The following DAB1 variants were observed in gnomAD, a reference collection of about 807,000 sequenced individuals.
DAB1 encodes the protein DAB adaptor protein 1, also known as disabled homolog 1.
Under a neutral mutation model 64.6 loss-of-function variants are expected in DAB1, and 15 were observed. The observed-to-expected ratio is 0.23, with a 90% CI of 0.16 to 0.36. The LOEUF is 0.36. DAB1 is among the 10% of genes least tolerant of loss of function. The pLI is 1.00. For synonymous variants in DAB1, 235 were observed against 251.9 expected (o/e 0.93, Z 0.64); for missense variants, 596 against 706.7 (o/e 0.84, Z 1.78).
chr1:58,470,417 G>A lies in DAB1; in HGVS notation n.257+35643C>T, dbSNP rs528852887. On this transcript the variant is annotated intron_variant and non_coding_transcript_variant, in intron 3 of 20. Coordinates refer to the DAB1 transcript ENST00000485760. The stretch of plus-strand genomic sequence containing the variant: ...TTGAACTCCTAACCTCAAGTGATCC[G>A]CCTGCCTTGGCCTCCCAAAGTGCTG... 3.3e-5 allele frequency among the ~76,000 whole-genome samples: 5 copies of A among 152,096 alleles called. No homozygotes were observed. The South Asian group carries it at 6.2e-4, about 19-fold the overall frequency.
intron 5 of DAB1, among the ~76,000 whole-genome samples, chr1:58,077,167 C>T (rs1649706864): frequency 6.6e-6 from 1 of 152,074 alleles, no homozygotes; most frequent in Non-Finnish European, 1.5e-5. Context: ...ATGATAATAC[C>T]ATCAGTGGGT....
At chr1:58,296,993 C>T (rs1294901857) in intron 4 of DAB1, among the ~76,000 whole-genome samples, 2 of 152,178 alleles carry the variant, frequency 1.3e-5, no homozygotes, top group African/African-American at 4.8e-5. Context: ...ATGTTAGCTT[C>T]TAGAGAGTGC....
At position 57,273,244 on chromosome 1, in the gene DAB1, C is replaced by T. The variant is rs192725601; in HGVS notation, c.67+17720G>A. Among the ~76,000 whole-genome samples the T allele has an allele frequency of 5.8e-3, 876 of 152,194 alleles. 3 individuals carry two copies. Among genetic ancestry groups the T allele is most frequent in the Non-Finnish European group, 9.5e-3 (645 of 68,004 alleles). On this transcript the variant is annotated intron_variant, in intron 2 of 14. Transcript: ENST00000371236. The stretch of plus-strand genomic sequence containing the variant: ...TCCATTTGTTTTAATGTGGGAGTCA[C>T]GAGAATGCACCTCGCCAACCTCCCC...
intron 7 of DAB1, among the ~76,000 whole-genome samples, chr1:57,628,538 A>G (rs555424885): frequency 6.6e-6 from 1 of 152,146 alleles, no homozygotes; most frequent in African/African-American, 2.4e-5. Context: ...AAATACTTAA[A>G]TAAGTCCCAT....
intron 5 of DAB1, among the ~76,000 whole-genome samples, chr1:58,003,267 C>T (rs1335722847): frequency 2.0e-5 from 3 of 152,100 alleles, no homozygotes; most frequent in Non-Finnish European, 2.9e-5. Flanking sequence ...GTATTGTGCT[C>T]CTCTCCGCTT....
chr1:57,116,475 A>AAAAG (rs1211160912), intron 4 of DAB1, among the ~76,000 whole-genome samples: 2 of 147,504 alleles, frequency 1.4e-5, no homozygotes, highest in Non-Finnish European at 3.0e-5. Context: ...AAAAAAAAAA[A>AAAAG]AAAAAAAAGA....
chr1:58,414,955 G>T (rs1162007943), intron 3 of DAB1, among the ~76,000 whole-genome samples: 3 of 152,094 alleles, frequency 2.0e-5, no homozygotes, highest in African/African-American at 4.8e-5. Context: ...GTGTCACAAG[G>T]TTGCGTGGGC....
chr1:58,027,608 T>C (rs1020485543), intron 5 of DAB1, among the ~76,000 whole-genome samples: 4 of 152,206 alleles, frequency 2.6e-5, no homozygotes, highest in African/African-American at 9.6e-5. Context: ...GGAAAGAGGC[T>C]CTAGAGCCAG....
intron 1 of DAB1, among the ~76,000 whole-genome samples, chr1:57,343,695 C>T (rs1358592556): frequency 6.6e-6 from 1 of 152,194 alleles, no homozygotes; most frequent in East Asian, 1.9e-4. Flanking sequence ...CGGCCGGCCG[C>T]TCCAAGTGTG....
chr1:57,960,019 C>T (rs992186457), intron 5 of DAB1, among the ~76,000 whole-genome samples: 1 of 152,194 alleles, frequency 6.6e-6, no homozygotes. Flanking sequence ...TGCTGGCATA[C>T]CTTATGCAGC....
intron 3 of DAB1, among the ~76,000 whole-genome samples, chr1:58,347,002 A>G (rs964337626): frequency 6.6e-5 from 10 of 152,236 alleles, no homozygotes; most frequent in Non-Finnish European, 1.3e-4. Flanking sequence ...CCATTTTATC[A>G]TATGACTCAT....
intron 3 of DAB1, among the ~76,000 whole-genome samples, chr1:58,425,228 T>C (rs1644811131): frequency 6.6e-6 from 1 of 152,198 alleles, no homozygotes; most frequent in Non-Finnish European, 1.5e-5. Flanking sequence ...CTTTCATTCT[T>C]TTTTATAAAA....
chr1:58,300,588 GAA>G (rs1405408653), intron 4 of DAB1, among the ~76,000 whole-genome samples: 4 of 26,746 alleles, frequency 1.5e-4, no homozygotes, highest in South Asian at 2.0e-3. Context: ...AAGAAAGAAA[GAA>G]AGAAAGAAAG....
rs1325311004 is a variant in DAB1 at position 57,233,331 on chromosome 1, C to T, written c.67+57633G>A. On this transcript the variant is annotated intron_variant, in intron 2 of 14. Transcript: ENST00000371236. Reference sequence around the variant, plus strand: ...AGGCTGGAGTGCAGTGGCGGGATCTCGGCTCACTGCAAGCTCCGCCTCCCG... The same window carrying T: ...AGGCTGGAGTGCAGTGGCGGGATCTTGGCTCACTGCAAGCTCCGCCTCCCG... Among the ~76,000 whole-genome samples the T allele has an allele frequency of 4.1e-5, 5 of 122,898 alleles. No homozygotes were observed. The East Asian group carries it at 1.4e-3, about 35-fold the overall frequency. The allele number at this position is 122,898 out of a possible 152,430, so 80.6% of individuals were successfully genotyped here.
rs61765653 is a variant in DAB1, at chr1:57,251,120, G to C, written c.67+39844C>G. Among the ~76,000 whole-genome samples the C allele has an allele frequency of 7.7e-3, 1,168 of 152,340 alleles. 31 individuals carry two copies. The East Asian group carries it at 0.08, about 10-fold the overall frequency. On this transcript the variant is annotated intron_variant, in intron 2 of 14. Transcript: ENST00000371236. ...ACATGGTTTTCATACCTTGAGGTGT[G>C]TAGTTGTCCAAACGTCATTCTGGGC...
intron 5 of DAB1, among the ~76,000 whole-genome samples, chr1:58,103,085 G>A (rs538376439): frequency 3.7e-4 from 57 of 152,230 alleles, no homozygotes; most frequent in South Asian, 1.7e-3. Flanking sequence ...GAGAGACAGG[G>A]ATGCATGTAC....
At chr1:58,063,406 C>G (rs1019873112) in intron 5 of DAB1, among the ~76,000 whole-genome samples, 2 of 152,134 alleles carry the variant, frequency 1.3e-5, no homozygotes, top group African/African-American at 4.8e-5. Flanking sequence ...TTGCTCATAA[C>G]AACCTTTCAG....
chr1:57,831,533 TTCTC>T (rs1231312668), intron 1 of DAB1, among the ~76,000 whole-genome samples: 120 of 147,330 alleles, frequency 8.1e-4, no homozygotes, highest in African/African-American at 2.8e-3. Flanking sequence ...ATTTATTTTC[TTCTC>T]TTTTTTTTTT....
chr1:57,049,205 T>A (rs1648896553), intron 9 of DAB1, among the ~76,000 whole-genome samples: 1 of 151,650 alleles, frequency 6.6e-6, no homozygotes, highest in Admixed American at 6.6e-5. Context: ...AGAGACGTAC[T>A]TTGGGAGGCC....
Sources: gnomAD v4.1 joint callset for allele counts (sites outside exome capture counted in the v4.1 genomes callset) on GRCh38, gnomAD v4.1.1 for gene constraint, MANE v1.5 for transcripts, NCBI Gene and HGNC (gene_info 2026-07-23, HGNC 2026-07-21) for gene names.